EPB41L4B: variants seen among roughly 807,000 people sequenced by gnomAD.
EPB41L4B encodes the protein band 4.1-like protein 4B.
EPB41L4B carries 30 observed loss-of-function variants against 112.5 expected under a neutral mutation model. The observed-to-expected ratio is 0.27, with a 90% confidence interval of 0.20 to 0.36. The LOEUF is 0.36. EPB41L4B is among the 10% of genes least tolerant of loss of function. The pLI, the probability that EPB41L4B is intolerant of heterozygous loss-of-function variation, is 1.00. For missense variants in EPB41L4B, 1,024 were observed against 1,133.3 expected (o/e 0.90, Z 1.38); for synonymous variants, 408 against 439.7 (o/e 0.93, Z 0.90).
At chr9:109,276,310 A>AGG (rs145004154) in intron 2 of EPB41L4B, among the ~76,000 whole-genome samples, 150 of 150,170 alleles carry the variant, frequency 1.0e-3, no homozygotes, top group Admixed American at 1.7e-3. Context: ...ATGAAGGGTG[A>AGG]GGGGGGGGTC....
At position 109,253,107 on chromosome 9, in the gene EPB41L4B, C is replaced by T. The variant is rs554468437; in HGVS notation, c.1279+334G>A. Among the ~76,000 whole-genome samples, 4 of 152,306 alleles carry T rather than the reference C, an allele frequency of 2.6e-5. No homozygotes were observed. In the East Asian group the frequency reaches 5.8e-4, roughly 22 times the overall value. ...TTAAAATTGCAAGATGATGGAGATACAGTATCTTCTATAGGCAAGAAAGGT... is the reference window on the plus strand; with the variant it reads ...TTAAAATTGCAAGATGATGGAGATATAGTATCTTCTATAGGCAAGAAAGGT... On this transcript the variant is annotated intron_variant, in intron 12 of 25. Transcript: ENST00000374566.
At chr9:109,251,536 T>A (rs777137644) in intron 12 of EPB41L4B, 25 bp from the exon 13 acceptor site, 3 of 1,611,558 alleles carry the variant, frequency 1.9e-6, no homozygotes, top group Admixed American at 1.7e-5. Flanking sequence ...CAGAAAGTTA[T>A]GACATCTTAG....
At chr9:109,179,197 G>T (rs531086263) in intron 24 of EPB41L4B, among the ~76,000 whole-genome samples, 1 of 152,308 alleles carries the variant, frequency 6.6e-6, no homozygotes, top group African/African-American at 2.4e-5. Flanking sequence ...TAATACACCT[G>T]AATACAAAGT....
Position 109,256,264 on chromosome 9 carries a change from C to T in EPB41L4B, c.841-40G>A, listed in dbSNP as rs374273632. The stretch of plus-strand genomic sequence containing the variant: ...AGTGACAATCGGTAGAGGGTTCTAA[C>T]AGGTCGTCACACAGCAGAATGCAAA... On this transcript the variant is annotated intron_variant, in intron 8 of 25. Coordinates refer to ENST00000374566, the MANE Select transcript of EPB41L4B (RefSeq NM_019114.5). 5.6e-6 allele frequency: 9 copies of T among 1,596,890 alleles called. No individual in the cohort carries two copies. In the African/African-American group the frequency reaches 8.0e-5, roughly 14 times the overall value.
intron 6 of EPB41L4B, 95 bp from the exon 7 acceptor site, chr9:109,258,392 G>A: frequency 7.5e-7 from 1 of 1,335,956 alleles, no homozygotes; most frequent in Non-Finnish European, 1.0e-6. Context: ...TCATTATAAA[G>A]CACAGCCCCC....
At chr9:109,284,082 TA>T (rs987644858) in intron 1 of EPB41L4B, among the ~76,000 whole-genome samples, 11 of 150,908 alleles carry the variant, frequency 7.3e-5, no homozygotes, top group South Asian at 2.1e-4. Flanking sequence ...CACCTTGACT[TA>T]AAAAAAAAGA....
intron 24 of EPB41L4B, among the ~76,000 whole-genome samples, chr9:109,177,842 A>T (rs145903997): frequency 2.0e-5 from 3 of 151,478 alleles, no homozygotes; most frequent in African/African-American, 7.3e-5. Flanking sequence ...AAAGTAGATC[A>T]ATGAAGAAAT....
rs370331821 is a variant in EPB41L4B at position 109,253,523 on chromosome 9, A to T, written c.1197T>A (p.His399Gln). ...TGCTGGTTCTTCGTAACCTGGAGCC[A>T]TGTGTAGCTTGATATTCTGTCCGCC... ...FSGRTEYQAT[H>Q]GSRLRRTSTF... is the part of the protein sequence containing the mutation. Residue 399 changes from histidine (H) to glutamine (Q), a missense_variant, in exon 12 of 26, where the codon CAT (histidine) becomes CAA (glutamine). His to Gln is a conservative substitution (Grantham distance 24). Coordinates refer to ENST00000374566, the MANE Select transcript of EPB41L4B (RefSeq NM_019114.5). 1.9e-6 allele frequency: 3 copies of T among 1,613,626 alleles called. No individual in the cohort carries two copies. The highest frequency in any genetic ancestry group is 2.5e-6 in the Non-Finnish European group (3 of 1,179,638).
chr9:109,244,975 C>G (rs571081494), intron 14 of EPB41L4B, among the ~76,000 whole-genome samples: 57 of 152,214 alleles, frequency 3.7e-4, no homozygotes, highest in Non-Finnish European at 7.5e-4. Flanking sequence ...GTTCTGTATT[C>G]AAGCAGCCTT....
intron 22 of EPB41L4B, among the ~76,000 whole-genome samples, chr9:109,188,546 C>T (rs1832348342): frequency 6.6e-6 from 1 of 152,212 alleles, no homozygotes; most frequent in African/African-American, 2.4e-5. Flanking sequence ...GATTTCTCTC[C>T]ACCTCCCTGT....
chr9:109,223,391 G>A (rs1293303708), intron 15 of EPB41L4B, among the ~76,000 whole-genome samples: 6 of 148,948 alleles, frequency 4.0e-5, no homozygotes, highest in Non-Finnish European at 8.9e-5. Flanking sequence ...ATCCAAGATC[G>A]AGCCACTGTT....
chr9:109,229,394 G>A (rs1358380339), intron 15 of EPB41L4B, among the ~76,000 whole-genome samples: 1 of 152,202 alleles, frequency 6.6e-6, no homozygotes, highest in African/African-American at 2.4e-5. Flanking sequence ...GCCAGCTGAT[G>A]CAGTAGGAAA....
chr9:109,275,728 C>T (rs1444937225), intron 2 of EPB41L4B, among the ~76,000 whole-genome samples: 23 of 152,182 alleles, frequency 1.5e-4, no homozygotes, highest in Non-Finnish European at 1.5e-5. Context: ...ACTACCTCCA[C>T]TTTACAGCTA....
intron 20 of EPB41L4B, among the ~76,000 whole-genome samples, chr9:109,195,451 C>G (rs1832608499): frequency 6.6e-6 from 1 of 152,018 alleles, no homozygotes; most frequent in Non-Finnish European, 1.5e-5. Context: ...GGGCTCATTA[C>G]TAAAAAGGGG....
intron 14 of EPB41L4B, 82 bp downstream of exon 14, chr9:109,247,674 G>C (rs1834610062): frequency 1.0e-6 from 1 of 1,004,848 alleles, no homozygotes; most frequent in Non-Finnish European, 1.4e-6. Context: ...GGAAAATTTA[G>C]AAACTTTACA....
At chr9:109,201,122 C>T (rs139018239) in intron 19 of EPB41L4B, among the ~76,000 whole-genome samples, 108 of 152,232 alleles carry the variant, frequency 7.1e-4, no homozygotes, top group Non-Finnish European at 1.3e-3. Context: ...GGTCAGTGCT[C>T]AATATGGTGA....
chr9:109,255,176 C>T (rs754708943), intron 11 of EPB41L4B, among the ~76,000 whole-genome samples: 84 of 152,100 alleles, frequency 5.5e-4, no homozygotes, highest in Non-Finnish European at 2.4e-4. Context: ...GCTTCTTGGC[C>T]GCTTGAAATA....
intron 15 of EPB41L4B, among the ~76,000 whole-genome samples, chr9:109,217,909 T>TA (rs11354861): frequency 1.7e-3 from 246 of 147,836 alleles, no homozygotes; most frequent in African/African-American, 5.0e-3. Flanking sequence ...CACCTCCTTT[T>TA]AAAAAAAAAA....
At chr9:109,308,380 T>G (rs1404624427) in intron 1 of EPB41L4B, among the ~76,000 whole-genome samples, 3 of 152,038 alleles carry the variant, frequency 2.0e-5, no homozygotes, top group Non-Finnish European at 2.9e-5. Flanking sequence ...ATGTTGAGGA[T>G]GCAATCAACA....
Sources: allele counts gnomAD v4.1 joint callset (sites outside exome capture counted in the v4.1 genomes callset), GRCh38; gene constraint gnomAD v4.1.1; transcripts MANE v1.5; gene names NCBI Gene and HGNC (gene_info 2026-07-23, HGNC 2026-07-21).